Variants in PHTF2 observed in about 807,000 individuals in gnomAD.
The protein encoded by PHTF2 is protein PHTF2.
PHTF2 carries 60 observed loss-of-function variants against 101.2 expected under a neutral mutation model. That is an observed-to-expected ratio of 0.59 (90% confidence interval 0.48 to 0.73). The LOEUF (loss-of-function observed/expected upper bound fraction) is 0.73. PHTF2 is among the 30% of genes least tolerant of loss of function. PHTF2 has a pLI of 0.00. For missense variants in PHTF2, 747 were observed against 908.7 expected, an observed-to-expected ratio of 0.82 and a Z score of 2.29; for synonymous variants, 311 against 307.3, an observed-to-expected ratio of 1.01 and a Z score of -0.13.
Position 77,924,022 on chromosome 7 carries a change from G to A in PHTF2, c.1119+1244G>A, listed in dbSNP as rs929696483. On this transcript the variant is annotated intron_variant, in intron 11 of 19. Transcript: ENST00000416283. ...AGAAATTACATAAATATAAAATATGGCTATAAAATTCTTCGTCTATAAAGT... is the reference window on the plus strand; with the variant it reads ...AGAAATTACATAAATATAAAATATGACTATAAAATTCTTCGTCTATAAAGT... 2.4e-5 allele frequency: 22 copies of A among 900,364 alleles called. No individual in the cohort carries two copies. The African/African-American group carries it at 4.0e-4, about 16-fold the overall frequency. The allele number at this position is 900,364 out of a possible 1,614,324, so 55.8% of individuals were successfully genotyped here.
At chr7:77,914,163 A>C (rs1386304334) in intron 9 of PHTF2, among the ~76,000 whole-genome samples, 1 of 152,164 alleles carries the variant, frequency 6.6e-6, no homozygotes, top group Non-Finnish European at 1.5e-5. Flanking sequence ...GCTGAAGCTC[A>C]TAAGCTAGTG....
At chr7:77,817,611 AG>A (rs1395261158) in intron 1 of PHTF2, among the ~76,000 whole-genome samples, 13 of 152,266 alleles carry the variant, frequency 8.5e-5, no homozygotes, top group South Asian at 8.3e-4. Context: ...ACCTCCCACC[AG>A]GTCCTTCCCA....
chr7:77,941,616 G>A (rs1321241208), intron 15 of PHTF2, among the ~76,000 whole-genome samples: 5 of 152,042 alleles, frequency 3.3e-5, no homozygotes, highest in African/African-American at 9.7e-5. Flanking sequence ...AATTATCCTA[G>A]TTTAATCTCT....
At chr7:77,859,875 C>T (rs1418310098) in intron 3 of PHTF2, among the ~76,000 whole-genome samples, 5 of 152,194 alleles carry the variant, frequency 3.3e-5, no homozygotes, top group Non-Finnish European at 2.9e-5. Context: ...ATGCCTGGTA[C>T]CTAGCTCCTC....
chr7:77,913,387 GAAAA>G (rs58943092), intron 9 of PHTF2, among the ~76,000 whole-genome samples: 1 of 98,194 alleles, frequency 1.0e-5, no homozygotes, highest in Non-Finnish European at 2.2e-5. Context: ...GACTCTGTCT[GAAAA>G]AAAAAAAAAA....
At chr7:77,841,075 C>CTTTTTTTTTTTTTTTTTTTTTTTTTT (rs57283892) in intron 2 of PHTF2, among the ~76,000 whole-genome samples, 1 of 77,286 alleles carries the variant, frequency 1.3e-5, no homozygotes, top group Non-Finnish European at 2.3e-5. Context: ...AAAAAACAGA[C>CTTTTTTTTTTTTTTTTTTTTTTTTTT]TTTTTTTTTT....
At chr7:77,957,352 G>A (rs557005597) in exon 20 of PHTF2, 2 of 152,086 alleles carry the variant, frequency 1.3e-5, no homozygotes, top group Non-Finnish European at 2.9e-5. Flanking sequence ...CAACATTTTA[G>A]ATTTTGTTAT....
chr7:77,955,525 G>A (rs1320429713), exon 20 of PHTF2: 1 of 152,502 alleles, frequency 6.6e-6, no homozygotes, highest in Non-Finnish European at 1.5e-5. Flanking sequence ...AAATTAACTA[G>A]TAATACTTGT....
At chr7:77,916,031 C>T (rs1802888315) in intron 9 of PHTF2, among the ~76,000 whole-genome samples, 1 of 150,674 alleles carries the variant, frequency 6.6e-6, no homozygotes, top group African/African-American at 2.4e-5. Context: ...AGTATAATTT[C>T]TTCCTATACG....
intron 3 of PHTF2, among the ~76,000 whole-genome samples, chr7:77,893,198 G>A (rs761042259): frequency 6.6e-6 from 1 of 152,002 alleles, no homozygotes. Context: ...TCATCACCTG[G>A]GTACTAAGCA....
intron 1 of PHTF2, among the ~76,000 whole-genome samples, chr7:77,836,574 C>T (rs1474501110): frequency 6.6e-6 from 1 of 152,134 alleles, no homozygotes; most frequent in Non-Finnish European, 1.5e-5. Flanking sequence ...TTGGAACCAA[C>T]CCAAATGCCC....
rs764890809 is a variant in PHTF2 at position 77,893,973 on chromosome 7, T to A, written c.205-9T>A. ...TTCTCCCTTTTGATGCTGTCATTGC[T>A]CTGTACAGTTTATTAAACTGGTAAG... On this transcript the variant is annotated splice_polypyrimidine_tract_variant and intron_variant, in intron 4 of 19. Coordinates refer to ENST00000416283, the Ensembl canonical transcript of PHTF2. 1.6e-5 allele frequency: 26 copies of A among 1,596,510 alleles called. No homozygotes were observed. The highest frequency in any genetic ancestry group is 2.1e-5 in the Non-Finnish European group (24 of 1,164,074).
At chr7:77,807,637 T>G in intron 1 of PHTF2, among the ~76,000 whole-genome samples, 1 of 152,192 alleles carries the variant, frequency 6.6e-6, no homozygotes, top group Non-Finnish European at 1.5e-5. Context: ...ATATTTTCTC[T>G]CATTCTGCAG....
rs35763664 is a variant in PHTF2, at chr7:77,922,017, C to CTTTT, written c.964-586_964-583dup. On this transcript the variant is annotated intron_variant, in intron 10 of 19. Transcript: ENST00000416283. The stretch of plus-strand genomic sequence containing the variant: ...TTCTGCTTTTCTCCTGTTTATATTC[C>CTTTT]TTTTTTTTTTTTTTTTTTTTTTTGA... Among the ~76,000 whole-genome samples the CTTTT allele has an allele frequency of 8.9e-4, 85 of 95,286 alleles. 1 individual carries two copies. The highest frequency in any genetic ancestry group is 2.4e-3 in the African/African-American group (54 of 22,206). 62.5% of individuals were successfully genotyped at this position (95,286 alleles called of 152,430 possible). A position where few individuals can be genotyped will look rare whatever the true frequency, so the allele number is the denominator to read the frequency against.
chr7:77,900,098 C>T (rs540584936), intron 5 of PHTF2, among the ~76,000 whole-genome samples: 23 of 152,016 alleles, frequency 1.5e-4, no homozygotes, highest in Non-Finnish European at 2.6e-4. Flanking sequence ...TGACAACTGC[C>T]TCTCCCTCCT....
At chr7:77,851,599 ATTTT>A (rs199811713) in intron 2 of PHTF2, among the ~76,000 whole-genome samples, 1 of 128,238 alleles carries the variant, frequency 7.8e-6, no homozygotes, top group Admixed American at 7.8e-5. Context: ...TTCTGCTCTG[ATTTT>A]TTTTTTTTTT....
chr7:77,845,986 G>C (rs1796252303), intron 2 of PHTF2, among the ~76,000 whole-genome samples: 1 of 152,078 alleles, frequency 6.6e-6, no homozygotes, highest in Non-Finnish European at 1.5e-5. Context: ...TGCTTTTCTA[G>C]AGTTGGCTTA....
At chr7:77,857,935 A>G (rs1472391698) in intron 3 of PHTF2, among the ~76,000 whole-genome samples, 1 of 152,216 alleles carries the variant, frequency 6.6e-6, no homozygotes, top group Non-Finnish European at 1.5e-5. Flanking sequence ...GATTAAAAAA[A>G]TTCTCATGAG....
intron 3 of PHTF2, among the ~76,000 whole-genome samples, chr7:77,891,949 C>T (rs1407531287): frequency 6.6e-6 from 1 of 152,136 alleles, no homozygotes; most frequent in African/African-American, 2.4e-5. Context: ...ATAGGATTTA[C>T]AGGACCAGAA....
Sources: allele counts gnomAD v4.1 joint callset (sites outside exome capture counted in the v4.1 genomes callset), GRCh38; gene constraint gnomAD v4.1.1; transcripts MANE v1.5; gene names NCBI Gene and HGNC (gene_info 2026-07-23, HGNC 2026-07-21).